Variants in STXBP5L observed in about 807,000 individuals in gnomAD.
The protein encoded by STXBP5L is syntaxin-binding protein 5-like.
Under a neutral mutation model 144.5 loss-of-function variants are expected in STXBP5L, and 65 were observed. The observed-to-expected ratio is 0.45, with a 90% CI of 0.37 to 0.55. The LOEUF is 0.55. STXBP5L is among the 20% of genes least tolerant of loss of function. The probability of loss-of-function intolerance (pLI) is 0.00; values close to 1 mark genes in which losing one functional copy is unlikely to be tolerated. For synonymous variants in STXBP5L, 505 were observed against 469.6 expected (o/e 1.08, Z -0.97); for missense variants, 1,298 against 1,405.5 (o/e 0.92, Z 1.22).
intron 3 of STXBP5L, among the ~76,000 whole-genome samples, chr3:120,990,830 C>A: frequency 6.6e-6 from 1 of 152,144 alleles, no homozygotes; most frequent in Non-Finnish European, 1.5e-5. Flanking sequence ...AAAATTAATT[C>A]AAGATGGATT....
At chr3:121,105,648 A>G (rs1382571055) in intron 5 of STXBP5L, among the ~76,000 whole-genome samples, 1 of 152,066 alleles carries the variant, frequency 6.6e-6, no homozygotes, top group South Asian at 2.1e-4. Context: ...CAGTATGGAG[A>G]TTCCTTAAAT....
intron 10 of STXBP5L, among the ~76,000 whole-genome samples, chr3:121,220,351 A>G (rs993483387): frequency 4.6e-5 from 7 of 152,108 alleles, no homozygotes; most frequent in African/African-American, 7.2e-5. Context: ...TTTCAAGTAT[A>G]TGGTCATTTA....
At chr3:121,173,403 AC>A (rs1278987623) in intron 9 of STXBP5L, among the ~76,000 whole-genome samples, 1 of 151,636 alleles carries the variant, frequency 6.6e-6, no homozygotes, top group Non-Finnish European at 1.5e-5. Context: ...TGCTGGACAA[AC>A]TTTAAATTAA....
At chr3:121,285,611 A>G (rs1289746422) in intron 19 of STXBP5L, among the ~76,000 whole-genome samples, 2 of 152,220 alleles carry the variant, frequency 1.3e-5, no homozygotes, top group South Asian at 2.1e-4. Flanking sequence ...TTGTAGTTGA[A>G]AGAAAACTTT....
intron 5 of STXBP5L, among the ~76,000 whole-genome samples, chr3:121,069,165 C>G (rs1263577841): frequency 6.6e-6 from 1 of 152,172 alleles, no homozygotes; most frequent in Non-Finnish European, 1.5e-5. Context: ...CCCTATCTCT[C>G]CTATTTCTAA....
Position 121,415,833 on chromosome 3 carries a change from C to CT in STXBP5L, c.3115-18dup, listed in dbSNP as rs768885124. The CT allele has an allele frequency of 2.1e-5, 33 of 1,535,468 alleles. No homozygotes were observed. In the South Asian group the frequency reaches 2.5e-4, roughly 11 times the overall value. On this transcript the variant is annotated intron_variant, in intron 24 of 26. Coordinates refer to ENST00000471454, the MANE Select transcript of STXBP5L (RefSeq NM_001308330.2). ...AATTGATTTTTTAGTTGTTCTAATG[C>CT]TTTTTTCTGTGAATTTGATGCAGGA...
At chr3:120,980,203 C>G (rs1410935901) in intron 3 of STXBP5L, among the ~76,000 whole-genome samples, 1 of 152,060 alleles carries the variant, frequency 6.6e-6, no homozygotes, top group Non-Finnish European at 1.5e-5. Flanking sequence ...TGGTTGTTGG[C>G]TAGAATGTTT....
intron 7 of STXBP5L, among the ~76,000 whole-genome samples, chr3:121,141,673 G>A (rs1484942151): frequency 6.6e-6 from 1 of 151,944 alleles, no homozygotes; most frequent in Non-Finnish European, 1.5e-5. Context: ...GTAGAGTTTT[G>A]GTATACTATT....
intron 3 of STXBP5L, among the ~76,000 whole-genome samples, chr3:121,010,532 C>T (rs1459073460): frequency 6.6e-6 from 1 of 151,542 alleles, no homozygotes; most frequent in Non-Finnish European, 1.5e-5. Context: ...CTGAGCTTCT[C>T]ACTAGCAGAT....
chr3:121,003,808 G>A (rs973179952), intron 3 of STXBP5L, among the ~76,000 whole-genome samples: 9 of 152,118 alleles, frequency 5.9e-5, no homozygotes, highest in African/African-American at 1.9e-4. Context: ...ATTAAATAGG[G>A]AATCCTTTCC....
intron 5 of STXBP5L, among the ~76,000 whole-genome samples, chr3:121,093,090 A>G (rs923085069): frequency 1.3e-4 from 20 of 152,312 alleles, no homozygotes; most frequent in African/African-American, 4.3e-4. Flanking sequence ...ATTTGCATAT[A>G]TCGAACCAGC....
intron 22 of STXBP5L, among the ~76,000 whole-genome samples, chr3:121,406,636 T>C (rs1051955863): frequency 6.6e-6 from 1 of 152,074 alleles, no homozygotes; most frequent in Non-Finnish European, 1.5e-5. Context: ...TGCAAAAGCC[T>C]ACCTAAGAGC....
At chr3:121,104,133 T>C (rs1472791003) in intron 5 of STXBP5L, among the ~76,000 whole-genome samples, 1 of 152,200 alleles carries the variant, frequency 6.6e-6, no homozygotes, top group East Asian at 1.9e-4. Flanking sequence ...GCTCATGAAA[T>C]CTTTTGACCA....
intron 3 of STXBP5L, among the ~76,000 whole-genome samples, chr3:121,002,174 GT>G (rs1943834664): frequency 6.6e-6 from 1 of 152,040 alleles, no homozygotes; most frequent in Admixed American, 6.6e-5. Context: ...TTCACTAATA[GT>G]GTACAGTTGT....
rs577927593 is a variant in STXBP5L, at chr3:121,328,703, T to A, written c.2176+10163T>A. Among the ~76,000 whole-genome samples, 22 of 152,052 alleles carry A rather than the reference T, an allele frequency of 1.4e-4. No individual in the cohort carries two copies. The South Asian group carries it at 4.6e-3, about 32-fold the overall frequency. ...AGGCAGAGGTTGCAGTGAGCTGAGA[T>A]CGCACCACTGCACTCCAGCATGGGT... On this transcript the variant is annotated intron_variant, in intron 20 of 26. Transcript: ENST00000471454.
chr3:121,264,915 T>C (rs1291389310), intron 18 of STXBP5L, among the ~76,000 whole-genome samples: 1 of 151,682 alleles, frequency 6.6e-6, no homozygotes, highest in South Asian at 2.1e-4. Context: ...AAGGGATCAA[T>C]GTAGCAAGAA....
intron 3 of STXBP5L, among the ~76,000 whole-genome samples, chr3:120,990,693 G>C (rs1942758950): frequency 6.6e-6 from 1 of 152,258 alleles, no homozygotes; most frequent in Admixed American, 6.5e-5. Flanking sequence ...ACAACTATCT[G>C]ATCTTTGACA....
At position 121,346,458 on chromosome 3, in the gene STXBP5L, T is replaced by C. The variant is rs1190143159; in HGVS notation, c.2176+27918T>C. ...GCAGCATTATTTATAATCCTTTGGG[T>C]ATATACCCAGTAATGGGATGGCTGG... is the stretch of plus-strand genomic sequence containing the variant. On this transcript the variant is annotated intron_variant, in intron 20 of 26. Coordinates refer to ENST00000471454, the MANE Select transcript of STXBP5L (RefSeq NM_001308330.2). 2.6e-5 allele frequency among the ~76,000 whole-genome samples: 4 copies of C among 152,132 alleles called. No homozygotes were observed. In the South Asian group the frequency reaches 6.2e-4, roughly 24 times the overall value.
intron 7 of STXBP5L, among the ~76,000 whole-genome samples, chr3:121,134,553 C>A (rs533432895): frequency 2.4e-4 from 36 of 152,176 alleles, no homozygotes; most frequent in Non-Finnish European, 4.6e-4. Flanking sequence ...TTTCCCTCCC[C>A]CCTTCCCCCA....
Sources: gnomAD v4.1 joint callset for allele counts (sites outside exome capture counted in the v4.1 genomes callset) on GRCh38, gnomAD v4.1.1 for gene constraint, MANE v1.5 for transcripts, NCBI Gene and HGNC (gene_info 2026-07-23, HGNC 2026-07-21) for gene names.